The following POLQ variants were observed in gnomAD, a reference collection of about 807,000 sequenced individuals.
The protein encoded by POLQ is DNA polymerase theta, also known as epididymis secretory sperm binding protein.
Under a neutral mutation model 259.2 loss-of-function variants are expected in POLQ, and 233 were observed. The observed-to-expected ratio is 0.90, with a 90% confidence interval of 0.81 to 1.00. The LOEUF (loss-of-function observed/expected upper bound fraction) is 1.00, where lower values mean the gene tolerates loss of function less well. POLQ is among the 50% of genes least tolerant of loss of function. The pLI is 0.00. For synonymous variants in POLQ, 1,025 were observed against 1,048.8 expected (o/e 0.98, Z 0.44); for missense variants, 2,871 against 3,051.6 (o/e 0.94, Z 1.39).
intron 19 of POLQ, among the ~76,000 whole-genome samples, chr3:121,479,699 C>G (rs1296899527): frequency 1.3e-5 from 2 of 152,038 alleles, no homozygotes. Context: ...GTGATCCACC[C>G]ACCTCAGCCT....
At chr3:121,494,088 C>A in intron 14 of POLQ, 1 of 685,792 alleles carries the variant, frequency 1.5e-6, no homozygotes, top group Non-Finnish European at 2.6e-6. Context: ...ATGTAAAGGT[C>A]TCTCTCTTCC....
chr3:121,538,574 C>G (rs979028192), intron 4 of POLQ, among the ~76,000 whole-genome samples: 2 of 145,166 alleles, frequency 1.4e-5, no homozygotes, highest in African/African-American at 5.1e-5. Flanking sequence ...AGCACTTACT[C>G]ATTCATTCAC....
chr3:121,478,253 C>T (rs2047942741), intron 19 of POLQ, among the ~76,000 whole-genome samples: 2 of 152,090 alleles, frequency 1.3e-5, no homozygotes, highest in African/African-American at 4.8e-5. Flanking sequence ...AGGAGCAAAA[C>T]CTTTCTAAGG....
intron 5 of POLQ, among the ~76,000 whole-genome samples, chr3:121,536,363 T>G (rs2048450596): frequency 6.6e-6 from 1 of 152,110 alleles, no homozygotes; most frequent in Admixed American, 6.6e-5. Context: ...AGTCAAGATA[T>G]AAGGTCTGAA....
At position 121,496,809 on chromosome 3, in the gene POLQ, T is replaced by C. The variant is rs763944394; in HGVS notation, c.2277A>G (p.Ala759=). The C allele has an allele frequency of 8.7e-6, 14 of 1,608,262 alleles. No homozygotes were observed. In the East Asian group the frequency reaches 2.9e-4, roughly 33 times the overall value. ...TGTGAAACCCTTTGTTTAACTGACC[T>C]GCATAAACAGCAGCTGACTGTTGCA... ...QSLQQSAAVY[A]GMITVFSNRL... The change falls in exon 14 of 30, where the codon GCA becomes GCG. Residue 759 remains alanine (A), a splice_region_variant and synonymous_variant. Coordinates refer to ENST00000264233, the MANE Select transcript of POLQ (RefSeq NM_199420.4).
chr3:121,476,411 T>C (rs1233012709), intron 20 of POLQ, 129 bp downstream of exon 20: 3 of 592,896 alleles, frequency 5.1e-6, no homozygotes, highest in Non-Finnish European at 8.6e-6. Context: ...AGCAATCTGG[T>C]TAACTGGCTG....
At chr3:121,541,515 A>G (rs1322914248) in intron 2 of POLQ, 36 bp from the exon 3 acceptor site, 1 of 1,559,870 alleles carries the variant, frequency 6.4e-7, no homozygotes, top group Non-Finnish European at 8.7e-7. Context: ...TATAAGAAAA[A>G]AGTAATATTC....
rs59962408 is a variant in POLQ, at chr3:121,513,600, C to CAA, written c.1469-1573_1469-1572dup. 3.5e-4 allele frequency among the ~76,000 whole-genome samples: 18 copies of CAA among 51,570 alleles called. No homozygotes were observed. The East Asian group carries it at 4.2e-3, about 12-fold the overall frequency. 33.8% of individuals were successfully genotyped at this position (51,570 alleles called of 152,430 possible). ...CTGGCAACAGAGAGAGACTCTATCT[C>CAA]AAAAAAAAAAAAAAAAAAAAAAAAA... On this transcript the variant is annotated intron_variant, in intron 9 of 29. Transcript: ENST00000264233.
chr3:121,520,118 T>C (rs748136663), intron 8 of POLQ, 35 bp from the exon 9 acceptor site: 3 of 1,234,408 alleles, frequency 2.4e-6, no homozygotes, highest in East Asian at 2.4e-5. Flanking sequence ...TTTATTGATA[T>C]ATAACGAAAA....
chr3:121,464,598 C>A (rs947894973), intron 24 of POLQ, among the ~76,000 whole-genome samples: 3 of 145,072 alleles, frequency 2.1e-5, no homozygotes, highest in Non-Finnish European at 4.6e-5. Context: ...TCTGAAAATT[C>A]AAAATCCAAA....
chr3:121,451,076 G>A (rs750643682), intron 25 of POLQ, among the ~76,000 whole-genome samples: 5 of 151,986 alleles, frequency 3.3e-5, no homozygotes, highest in Admixed American at 6.6e-5. Flanking sequence ...CCAGTTGATC[G>A]AATTGGCTAC....
At chr3:121,450,796 T>C (rs140141093) in intron 25 of POLQ, among the ~76,000 whole-genome samples, 3,273 of 152,234 alleles carry the variant, frequency 0.021, 119 homozygotes, top group African/African-American at 0.074. Context: ...GGAGTATCTT[T>C]GTGGTGTTCT....
chr3:121,505,661 A>G (rs1241790984), intron 12 of POLQ, among the ~76,000 whole-genome samples: 1 of 152,168 alleles, frequency 6.6e-6, no homozygotes, highest in East Asian at 1.9e-4. Flanking sequence ...TTATGAAAAA[A>G]ACATGAAACT....
chr3:121,512,002 G>A lies in POLQ; in HGVS notation c.1496C>T (p.Ser499Phe), dbSNP rs779491395. 5.0e-6 allele frequency: 8 copies of A among 1,613,536 alleles called. No homozygotes were observed. The South Asian group carries it at 7.7e-5, about 16-fold the overall frequency. The change falls in exon 10 of 30, where the codon TCT (serine) becomes TTT (phenylalanine). Residue 499 changes from serine (S) to phenylalanine (F), a missense_variant. This residue lies in a region of POLQ where 783 missense variants were observed against 906.2 expected (regional missense o/e 0.86). Transcript: ENST00000264233. ...VGESILICKN[S>F]EKSKGIALLQ... ...GAGAGCTATGCCTTTTGATTTCTCA[G>A]AGTTCTTACAAATTAAGATACTCTC...
intron 13 of POLQ, 65 bp from the exon 14 acceptor site, chr3:121,496,997 T>G (rs2048130511): frequency 3.2e-6 from 5 of 1,550,052 alleles, no homozygotes; most frequent in Admixed American, 4.0e-5. Flanking sequence ...TACAGTGTGT[T>G]GAAAAATGAC....
chr3:121,436,971 G>A (rs1576396348), intron 27 of POLQ, among the ~76,000 whole-genome samples: 1 of 152,140 alleles, frequency 6.6e-6, no homozygotes, highest in South Asian at 2.1e-4. Flanking sequence ...ATCTATATAT[G>A]AATATCATTC....
intron 12 of POLQ, among the ~76,000 whole-genome samples, chr3:121,504,882 G>A (rs1363704050): frequency 1.3e-5 from 2 of 152,070 alleles, no homozygotes; most frequent in African/African-American, 4.8e-5. Context: ...TTAAGACTCC[G>A]GGGGACTGTT....
intron 27 of POLQ, 46 bp downstream of exon 27, chr3:121,439,944 CAT>C (rs2047576115): frequency 6.6e-7 from 1 of 1,507,506 alleles, no homozygotes; most frequent in African/African-American, 1.4e-5. Flanking sequence ...TGAAAAAGTA[CAT>C]GTCATTGAAA....
Position 121,487,460 on chromosome 3 carries a change from C to T in POLQ, c.5471G>A (p.Ser1824Asn). ...ACTTGCTACATCAATTATGGACAAA[C>T]TTTCTGAACTGCTTGAGGCTGGAGT... ...QLTPASSSSESLSIIDVASDQ... is the reference protein window; with the variant it reads ...QLTPASSSSENLSIIDVASDQ... The change falls in exon 16 of 30, where the codon AGT becomes AAT. Residue 1824 changes from serine to asparagine, a missense_variant. Ser to Asn is a conservative substitution (Grantham distance 46, BLOSUM62 1). Around this residue, in one of 3 missense-constraint regions of POLQ, gnomAD observed 2,080 missense variants for 2,126.0 expected, o/e 0.98. Transcript: ENST00000264233. 1 of 1,614,054 alleles carries T rather than the reference C, an allele frequency of 6.2e-7. No homozygotes were observed. Among genetic ancestry groups the T allele is most frequent in the Non-Finnish European group, 8.5e-7 (1 of 1,179,992 alleles).
Sources: gnomAD v4.1 joint callset for allele counts (sites outside exome capture counted in the v4.1 genomes callset) on GRCh38, gnomAD v4.1.1 for gene constraint, gnomAD v4.1.1 regional missense constraint, MANE v1.5 for transcripts, NCBI Gene and HGNC (gene_info 2026-07-23, HGNC 2026-07-21) for gene names.